Variants in RNF125 observed in about 807,000 individuals in gnomAD.
The protein encoded by RNF125 is E3 ubiquitin-protein ligase RNF125.
Under a neutral mutation model 26.0 loss-of-function variants are expected in RNF125, and 21 were observed. The observed-to-expected ratio is 0.81, with a 90% CI of 0.57 to 1.16. The LOEUF is 1.16. Ranked by LOEUF, RNF125 falls within the 50% of genes most tolerant of loss-of-function variation. RNF125 has a pLI of 0.00. For missense variants in RNF125, 270 were observed against 299.4 expected (o/e 0.90, Z 0.72); for synonymous variants, 95 against 109.2 (o/e 0.87, Z 0.81).
At chr18:32,076,111 A>G (rs1358452497), downstream of RNF125, 4 of 635,490 alleles carry the variant, frequency 6.3e-6, no homozygotes, top group East Asian at 8.8e-5. Flanking sequence ...AGCTCTGATC[A>G]TCAATGATTT....
chr18:32,022,830 G>A (rs2162379), intron 1 of RNF125, among the ~76,000 whole-genome samples: 110,528 of 151,932 alleles, frequency 0.73, 40,453 homozygotes, highest in African/African-American at 0.8. Flanking sequence ...CTCTACAGAT[G>A]CAAGTCTCCT....
At chr18:32,026,242 CTTTTTTTTTT>C (rs1181390375) in intron 1 of RNF125, among the ~76,000 whole-genome samples, 1 of 73,144 alleles carries the variant, frequency 1.4e-5, no homozygotes, top group African/African-American at 6.5e-5. Flanking sequence ...AGCACCCGGT[CTTTTTTTTTT>C]TTTTTTTTTT....
At chr18:32,029,835 T>C (rs2039075126) in intron 1 of RNF125, among the ~76,000 whole-genome samples, 1 of 151,798 alleles carries the variant, frequency 6.6e-6, no homozygotes, top group South Asian at 2.1e-4. Context: ...GATATCCAAA[T>C]GGAAATATCC....
intron 1 of RNF125, among the ~76,000 whole-genome samples, chr18:32,027,930 G>C (rs1461288300): frequency 6.7e-6 from 1 of 149,576 alleles, no homozygotes; most frequent in Non-Finnish European, 1.5e-5. Context: ...TTATAAGAGG[G>C]AAAAAAAAAC....
chr18:32,067,962 T>C (rs1044762480), intron 5 of RNF125, among the ~76,000 whole-genome samples: 4 of 152,226 alleles, frequency 2.6e-5, no homozygotes, highest in Admixed American at 1.3e-4. Context: ...GCCTGAACTT[T>C]GCTCCATTTT....
intron 2 of RNF125, among the ~76,000 whole-genome samples, chr18:32,041,358 T>C (rs2039215020): frequency 6.6e-6 from 1 of 152,174 alleles, no homozygotes; most frequent in African/African-American, 2.4e-5. Context: ...AAAACCATGG[T>C]ATTTATATCT....
chr18:32,063,151 C>T (rs1392286062), intron 4 of RNF125, among the ~76,000 whole-genome samples: 2 of 146,386 alleles, frequency 1.4e-5, no homozygotes, highest in Non-Finnish European at 3.0e-5. Context: ...ACCCAGGAGG[C>T]GGAGGTTGCA....
chr18:32,047,909 G>C (rs142690177), intron 4 of RNF125, among the ~76,000 whole-genome samples: 1 of 152,250 alleles, frequency 6.6e-6, no homozygotes, highest in South Asian at 2.1e-4. Flanking sequence ...CAGATTACTT[G>C]AGGCCAAGAG....
intron 4 of RNF125, among the ~76,000 whole-genome samples, chr18:32,063,382 G>A (rs2039453185): frequency 1.3e-5 from 2 of 151,960 alleles, no homozygotes; most frequent in South Asian, 4.1e-4. Context: ...ACCAGTACAC[G>A]TTTAACAAAA....
chr18:32,077,126 G>T (rs1428291439), downstream of RNF125, among the ~76,000 whole-genome samples: 1 of 151,970 alleles, frequency 6.6e-6, no homozygotes, highest in Non-Finnish European at 1.5e-5. Context: ...AAATATTTCA[G>T]CTGTCTAATC....
At chr18:32,055,091 GT>G (rs1292991933) in intron 4 of RNF125, among the ~76,000 whole-genome samples, 4 of 151,994 alleles carry the variant, frequency 2.6e-5, no homozygotes, top group Non-Finnish European at 4.4e-5. Flanking sequence ...GACCCCATGA[GT>G]TCAAGGCCAG....
chr18:32,082,339 CAT>C, the RNF125 span, among the ~76,000 whole-genome samples: 1 of 152,090 alleles, frequency 6.6e-6, no homozygotes, highest in South Asian at 2.1e-4. Flanking sequence ...CACACACACA[CAT>C]ATATATACAT....
chr18:32,064,311 G>A (rs1305202076), intron 4 of RNF125, among the ~76,000 whole-genome samples: 1 of 151,708 alleles, frequency 6.6e-6, no homozygotes, highest in Middle Eastern at 3.4e-3. Flanking sequence ...AGATTTGGGC[G>A]GGGACAAATT....
At chr18:32,055,610 T>G (rs1472199677) in intron 4 of RNF125, among the ~76,000 whole-genome samples, 1 of 152,104 alleles carries the variant, frequency 6.6e-6, no homozygotes, top group East Asian at 1.9e-4. Flanking sequence ...GAGAACAGCA[T>G]GGGGGAAACT....
intron 1 of RNF125, among the ~76,000 whole-genome samples, chr18:32,026,663 T>G (rs1025909553): frequency 2.6e-5 from 4 of 152,080 alleles, no homozygotes; most frequent in African/African-American, 9.7e-5. Context: ...CCTGTTTGGT[T>G]CCCAGCTGTA....
intron 1 of RNF125, among the ~76,000 whole-genome samples, chr18:32,031,590 G>A (rs1405545982): frequency 6.7e-6 from 1 of 148,856 alleles, no homozygotes; most frequent in African/African-American, 2.5e-5. Context: ...ATTCATGTCA[G>A]AACCATAAGT....
chr18:32,038,077 C>G (rs1012445979), intron 2 of RNF125, among the ~76,000 whole-genome samples: 5 of 123,624 alleles, frequency 4.0e-5, no homozygotes, highest in Non-Finnish European at 8.0e-5. Flanking sequence ...GAGACAGAGT[C>G]TTGCTCTGTC....
At chr18:32,032,970 A>G (rs1049066425) in intron 1 of RNF125, among the ~76,000 whole-genome samples, 1 of 152,238 alleles carries the variant, frequency 6.6e-6, no homozygotes, top group African/African-American at 2.4e-5. Flanking sequence ...ATGTTGTTTA[A>G]CATGAGCCGA....
chr18:32,050,770 A>G (rs553675746), intron 4 of RNF125, among the ~76,000 whole-genome samples: 1 of 150,746 alleles, frequency 6.6e-6, no homozygotes, highest in South Asian at 2.1e-4. Context: ...GATAACATTA[A>G]TGAGACCACT....
Sources: gnomAD v4.1 joint callset for allele counts (sites outside exome capture counted in the v4.1 genomes callset) on GRCh38, gnomAD v4.1.1 for gene constraint, MANE v1.5 for transcripts, NCBI Gene and HGNC (gene_info 2026-07-23, HGNC 2026-07-21) for gene names.